PLG: variants seen among roughly 807,000 people sequenced by gnomAD.
The protein encoded by PLG is plasmin.
Under a neutral mutation model 104.4 loss-of-function variants are expected in PLG, and 41 were observed. That is an observed-to-expected ratio of 0.39 (90% CI 0.31 to 0.51). The LOEUF (loss-of-function observed/expected upper bound fraction) is 0.51, where lower values mean the gene tolerates loss of function less well. Ranked by LOEUF, PLG falls within the 20% of genes least tolerant of loss-of-function variation. The pLI, the probability that PLG is intolerant of heterozygous loss-of-function variation, is 0.76. For synonymous variants in PLG, 337 were observed against 357.1 expected, an observed-to-expected ratio of 0.94 and a Z score of 0.63; for missense variants, 891 against 1,003.6, an observed-to-expected ratio of 0.89 and a Z score of 1.52.
Position 160,713,073 on chromosome 6 carries a change from T to C in PLG, c.495T>C (p.Tyr165=). The C allele has an allele frequency of 6.2e-7, 1 of 1,609,532 alleles. No homozygotes were observed. The highest frequency in any genetic ancestry group is 8.5e-7 in the Non-Finnish European group (1 of 1,177,630). ...PDNDPQGPWC[Y]TTDPEKRYDY... The stretch of plus-strand genomic sequence containing the variant: ...ACGATCCGCAGGGGCCCTGGTGCTA[T>C]ACTACTGATCCAGAAAAGAGATATG... Residue 165 remains tyrosine (Y), a synonymous_variant, in exon 5 of 19, where the codon TAT becomes TAC. Transcript: ENST00000308192.
chr6:160,711,652 A>AT (rs1777644558), intron 4 of PLG: 2 of 1,610,642 alleles, frequency 1.2e-6, no homozygotes, highest in Admixed American at 1.7e-5. Flanking sequence ...GTTGCTTTCT[A>AT]TTTTTTCTTG....
rs776968748 is a variant in PLG at position 160,706,441 on chromosome 6, C to T, written c.84C>T (p.Thr28=). 1 of 1,613,578 alleles carries T rather than the reference C, an allele frequency of 6.2e-7. No individual in the cohort carries two copies. The part of the protein sequence containing the change: ...QGEPLDDYVN[T]QGASLFSVTK... ...AGCCTCTGGATGACTATGTGAATAC[C>T]CAGGGGGCTTCACTGTTCAGTGTCA... The change falls in exon 2 of 19, where the codon ACC becomes ACT. Residue 28 remains threonine, a synonymous_variant. Transcript: ENST00000308192.
In PLG at chr6:160,744,029, G is replaced by A. The variant is rs115748662; in HGVS notation, c.2125+2612G>A. Among the ~76,000 whole-genome samples the A allele has an allele frequency of 0.02, 3,051 of 152,208 alleles. 121 individuals carry two copies. The highest frequency in any genetic ancestry group is 0.07 in the African/African-American group (2,909 of 41,528). On this transcript the variant is annotated intron_variant, in intron 17 of 18. Coordinates refer to ENST00000308192, the MANE Select transcript of PLG (RefSeq NM_000301.5). The surrounding 1 kb of genome is among the most constrained non-coding windows in gnomAD (Gnocchi z 4.5). ...AAAGCCTACTTGATCACGATGGATT[G>A]GCTTTTTTATGTGCTGCTGGATTTG...
At chr6:160,720,339 G>C (rs894601724) in intron 9 of PLG, among the ~76,000 whole-genome samples, 1 of 147,956 alleles carries the variant, frequency 6.8e-6, no homozygotes, top group African/African-American at 2.5e-5. Flanking sequence ...TGTTTAATCT[G>C]CTTGAGGTAT....
At chr6:160,733,951 C>G in intron 12 of PLG, 44 bp from the exon 13 acceptor site, 1 of 1,024,972 alleles carries the variant, frequency 9.8e-7, no homozygotes, top group Non-Finnish European at 1.6e-6. Context: ...TTCTCCCTCT[C>G]CTGCCCCACG....
rs1351591508 is a variant in PLG at position 160,739,362 on chromosome 6, C to T, written c.2018+154C>T. Among the ~76,000 whole-genome samples, 1 of 152,128 alleles carries T rather than the reference C, an allele frequency of 6.6e-6. No individual in the cohort carries two copies. The highest frequency in any genetic ancestry group is 1.5e-5 in the Non-Finnish European group (1 of 68,012). The stretch of plus-strand genomic sequence containing the variant: ...TTGGGGACAGCATCAATCTTCAACC[C>T]TAGCCCTGCCACATGCTAGCTGTGC... On this transcript the variant is annotated intron_variant, in intron 16 of 18. Transcript: ENST00000308192. The surrounding 1 kb of genome is among the most constrained non-coding windows in gnomAD (Gnocchi z 4.4).
Position 160,713,356 on chromosome 6 carries a change from C to T in PLG, c.547+231C>T, listed in dbSNP as rs552934355. The T allele has an allele frequency of 2.2e-4, 103 of 464,706 alleles. 1 individual carries two copies. The highest frequency in any genetic ancestry group is 6.8e-4 in the African/African-American group (34 of 50,298). The allele number at this position is 464,706 out of a possible 1,614,324, so 28.8% of individuals were successfully genotyped here. On this transcript the variant is annotated intron_variant, in intron 5 of 18. Coordinates refer to ENST00000308192, the MANE Select transcript of PLG (RefSeq NM_000301.5). ...TGCAATCTCGGCTCACCACAACCTC[C>T]GCCTCCGGGTTCAAGAGATTCTGCT...
intron 17 of PLG, among the ~76,000 whole-genome samples, chr6:160,742,872 C>G (rs755410349): frequency 2.6e-5 from 4 of 152,144 alleles, no homozygotes; most frequent in African/African-American, 7.2e-5. Context: ...ATATGGCTAG[C>G]CAGTTACCCC....
At position 160,753,193 on chromosome 6, in the gene PLG, G is replaced by T. The variant is rs1004478993; in HGVS notation, c.*132G>T. On this transcript the variant is annotated 3_prime_UTR_variant, in exon 19 of 19. Transcript: ENST00000308192. The surrounding 1 kb of genome is among the most constrained non-coding windows in gnomAD (Gnocchi z 5.4). Reference sequence around the variant, plus strand: ...CCAGCTACCAGCTACGCCAAACCTCGGCATTTTTTGTGTTATTTTCTGACT... The same window carrying T: ...CCAGCTACCAGCTACGCCAAACCTCTGCATTTTTTGTGTTATTTTCTGACT... The T allele has an allele frequency of 1.2e-5, 8 of 641,338 alleles. No individual in the cohort carries two copies. In the African/African-American group the frequency reaches 1.5e-4, roughly 12 times the overall value. The allele number at this position is 641,338 out of a possible 1,614,324, so 39.7% of individuals were successfully genotyped here.
rs912700730 is a variant in PLG at position 160,725,033 on chromosome 6, G to A, written c.1256+2466G>A. ...AGTTTGAGACCAGCCTGACCAACAT[G>A]GTGAAACCCCATCTCTACTAAAAAT... On this transcript the variant is annotated intron_variant, in intron 10 of 18. Transcript: ENST00000308192. The surrounding 1 kb of genome is among the most constrained non-coding windows in gnomAD (Gnocchi z 6.3). 6.6e-6 allele frequency among the ~76,000 whole-genome samples: 1 copy of A among 152,086 alleles called. No homozygotes were observed. The highest frequency in any genetic ancestry group is 2.4e-5 in the African/African-American group (1 of 41,422).
intron 17 of PLG, among the ~76,000 whole-genome samples, chr6:160,747,995 G>T (rs1202724236): frequency 6.6e-6 from 1 of 152,158 alleles, no homozygotes; most frequent in Non-Finnish European, 1.5e-5. Context: ...TTTACTGGCT[G>T]TCAGGACTTA....
At chr6:160,733,033 A>G (rs1225410370) in intron 12 of PLG, among the ~76,000 whole-genome samples, 1 of 152,168 alleles carries the variant, frequency 6.6e-6, no homozygotes, top group Non-Finnish European at 1.5e-5. Flanking sequence ...TCCTTTGGCA[A>G]CCAGCCCCAT....
rs1211403912 is a variant in PLG at position 160,737,901 on chromosome 6, T to A, written c.1803-637T>A. Reference sequence around the variant, plus strand: ...ATTCATTCTTTCCTAAACTATGTGGTGGTCTACGTCCTCACTGACTTATCA... The same window carrying A: ...ATTCATTCTTTCCTAAACTATGTGGAGGTCTACGTCCTCACTGACTTATCA... On this transcript the variant is annotated intron_variant, in intron 14 of 18. Coordinates refer to ENST00000308192, the MANE Select transcript of PLG (RefSeq NM_000301.5). This position sits in a 1 kb window ranked among gnomAD's most constrained non-coding sequence, Gnocchi z 4.7. Among the ~76,000 whole-genome samples, 1 of 152,236 alleles carries A rather than the reference T, an allele frequency of 6.6e-6. No individual in the cohort carries two copies. Among genetic ancestry groups the A allele is most frequent in the African/African-American group, 2.4e-5 (1 of 41,470 alleles).
Position 160,722,467 on chromosome 6 carries a change from C to G in PLG, c.1156C>G (p.Arg386Gly). 1.2e-6 allele frequency: 2 copies of G among 1,612,338 alleles called. No homozygotes were observed. Among genetic ancestry groups the G allele is most frequent in the Non-Finnish European group, 1.7e-6 (2 of 1,178,460 alleles). ...CTACCATGGTGATGGACAGAGCTAC[C>G]GAGGCACATCCTCCACCACCACCAC... The part of the protein sequence containing the change: ...DCYHGDGQSY[R>G]GTSSTTTTGK... The change falls in exon 10 of 19, where the codon CGA becomes GGA. Residue 386 changes from arginine (R) to glycine (G), a missense_variant. Arg to Gly is a moderately radical substitution (Grantham distance 125, BLOSUM62 -2). This residue lies in a region of PLG where 854 missense variants were observed against 932.1 expected (regional missense o/e 0.92). Coordinates refer to ENST00000308192, the MANE Select transcript of PLG (RefSeq NM_000301.5).
rs779911364 is a variant in PLG at position 160,738,586 on chromosome 6, G to T, written c.1851G>T (p.Val617=). The change falls in exon 15 of 19, where the codon GTG becomes GTT. Residue 617 remains valine, a synonymous_variant. Transcript: ENST00000308192. This position sits in a 1 kb window ranked among gnomAD's most constrained non-coding sequence, Gnocchi z 6.8. ...GCACCTTGATATCCCCAGAGTGGGT[G>T]TTGACTGCTGCCCACTGCTTGGAGA... ...CGGTLISPEW[V]LTAAHCLEKS... is the part of the protein sequence containing the mutation. 33 of 1,609,130 alleles carry T rather than the reference G, an allele frequency of 2.1e-5. No homozygotes were observed. The Admixed American group carries it at 3.3e-4, about 16-fold the overall frequency.
rs1425148639 is a variant in PLG, at chr6:160,740,525, G to A, written c.2019-786G>A. On this transcript the variant is annotated intron_variant, in intron 16 of 18. Coordinates refer to ENST00000308192, the MANE Select transcript of PLG (RefSeq NM_000301.5). This position sits in a 1 kb window ranked among gnomAD's most constrained non-coding sequence, Gnocchi z 5.2. ...TCCACCAGGGAACCTGTAGAGTGAG[G>A]ACGTCTGCATGACAGGCTGGGCCTT... 2.0e-5 allele frequency among the ~76,000 whole-genome samples: 3 copies of A among 152,152 alleles called. No individual in the cohort carries two copies. The highest frequency in any genetic ancestry group is 7.2e-5 in the African/African-American group (3 of 41,432).
rs770399600 is a variant in PLG at position 160,731,014 on chromosome 6, C to A, written c.1257-37C>A. ...GTGCTGGGTGCCCCTGAATATTCTC[C>A]CACCTCTTGTGACCTGTATTGTTTT... is the stretch of plus-strand genomic sequence containing the variant. On this transcript the variant is annotated intron_variant, in intron 10 of 18. Coordinates refer to ENST00000308192, the MANE Select transcript of PLG (RefSeq NM_000301.5). This position sits in a 1 kb window ranked among gnomAD's most constrained non-coding sequence, Gnocchi z 5.1. 3 of 1,604,120 alleles carry A rather than the reference C, an allele frequency of 1.9e-6. No homozygotes were observed. Among genetic ancestry groups the A allele is most frequent in the Non-Finnish European group, 2.6e-6 (3 of 1,171,086 alleles).
intron 17 of PLG, among the ~76,000 whole-genome samples, chr6:160,742,451 T>G (rs1287974886): frequency 2.0e-5 from 3 of 152,216 alleles, no homozygotes; most frequent in Non-Finnish European, 2.9e-5. Flanking sequence ...CAGGCATGTC[T>G]TCTTTAGAAA....
intron 10 of PLG, among the ~76,000 whole-genome samples, chr6:160,728,484 G>A (rs1777953269): frequency 1.5e-5 from 1 of 68,556 alleles, no homozygotes; most frequent in Non-Finnish European, 3.0e-5. Context: ...AAAAGTTGGA[G>A]GACTTACTTA....
Sources: gnomAD v4.1 joint callset for allele counts (sites outside exome capture counted in the v4.1 genomes callset) on GRCh38, gnomAD v4.1.1 for gene constraint, gnomAD v4.1.1 regional missense constraint, Gnocchi (gnomAD v3.1) non-coding constraint, MANE v1.5 for transcripts, NCBI Gene and HGNC (gene_info 2026-07-23, HGNC 2026-07-21) for gene names.